The following DENND1A variants were observed in gnomAD, a reference collection of about 807,000 sequenced individuals.
DENND1A encodes DENN domain containing 1A.
DENND1A carries 51 observed loss-of-function variants against 113.7 expected under a neutral mutation model. The observed-to-expected ratio is 0.45, with a 90% confidence interval of 0.36 to 0.57. The LOEUF (loss-of-function observed/expected upper bound fraction) is 0.57, where lower values mean the gene tolerates loss of function less well. DENND1A is among the 20% of genes least tolerant of loss of function. The pLI is 0.00. For synonymous variants in DENND1A, 565 were observed against 570.8 expected, an observed-to-expected ratio of 0.99 and a Z score of 0.14; for missense variants, 1,258 against 1,395.9, an observed-to-expected ratio of 0.90 and a Z score of 1.57.
intron 5 of DENND1A, among the ~76,000 whole-genome samples, chr9:123,695,517 C>T (rs1250283156): frequency 6.6e-6 from 1 of 152,040 alleles, no homozygotes; most frequent in African/African-American, 2.4e-5. Flanking sequence ...GTGTGTCCCT[C>T]TAGAGAACTC....
chr9:123,698,014 C>T (rs2065634704), intron 5 of DENND1A, among the ~76,000 whole-genome samples: 2 of 152,178 alleles, frequency 1.3e-5, no homozygotes, highest in African/African-American at 4.8e-5. Context: ...ATAGGCAGAC[C>T]TGCAGATAAT....
At chr9:123,520,991 A>C (rs1456160775) in intron 13 of DENND1A, among the ~76,000 whole-genome samples, 3 of 152,202 alleles carry the variant, frequency 2.0e-5, no homozygotes, top group Non-Finnish European at 4.4e-5. Flanking sequence ...ACATTCAAAT[A>C]AAAAGGAAGA....
intron 2 of DENND1A, among the ~76,000 whole-genome samples, chr9:123,834,015 C>T (rs531773276): frequency 3.3e-5 from 5 of 152,236 alleles, no homozygotes; most frequent in South Asian, 2.1e-4. Flanking sequence ...GAGATCACGC[C>T]GCTGCACTCC....
chr9:123,414,664 T>C (rs2044579205), intron 19 of DENND1A: 1 of 1,525,238 alleles, frequency 6.6e-7, no homozygotes, highest in Non-Finnish European at 8.8e-7. Context: ...TATTAACTCT[T>C]TTTTAAAAAG....
intron 10 of DENND1A, among the ~76,000 whole-genome samples, chr9:123,618,693 G>C (rs723844): frequency 0.057 from 8,676 of 152,262 alleles, 276 homozygotes; most frequent in African/African-American, 0.071. Context: ...ATTCCCCTAT[G>C]TGGGAAGGTC....
chr9:123,678,326 T>C (rs937771478), intron 5 of DENND1A, among the ~76,000 whole-genome samples: 39 of 152,330 alleles, frequency 2.6e-4, no homozygotes, highest in Admixed American at 2.4e-3. Context: ...ACGCATCCTA[T>C]GGAATTGTTG....
chr9:123,744,768 CTCTTT>C (rs200281331), intron 5 of DENND1A, among the ~76,000 whole-genome samples: 9,282 of 137,690 alleles, frequency 0.067, 269 homozygotes, highest in Admixed American at 0.1. Flanking sequence ...CTTATATTAG[CTCTTT>C]TTTTTTTTTT....
chr9:123,679,170 T>C (rs543186723), intron 5 of DENND1A, among the ~76,000 whole-genome samples: 1 of 152,280 alleles, frequency 6.6e-6, no homozygotes, highest in South Asian at 2.1e-4. Context: ...AAAAACTGAA[T>C]CATTTTAGAA....
At chr9:123,649,530 T>A (rs1452842820) in intron 9 of DENND1A, among the ~76,000 whole-genome samples, 1 of 152,228 alleles carries the variant, frequency 6.6e-6, no homozygotes, top group Non-Finnish European at 1.5e-5. Flanking sequence ...AGATGTTTGA[T>A]AAAACACACT....
chr9:123,585,416 T>C (rs1663034291), intron 11 of DENND1A, among the ~76,000 whole-genome samples: 1 of 152,262 alleles, frequency 6.6e-6, no homozygotes, highest in Non-Finnish European at 1.5e-5. Context: ...TTGCAGTTTT[T>C]ACCAAAGTAA....
intron 21 of DENND1A, chr9:123,401,740 A>G (rs2043480355): frequency 1.2e-6 from 2 of 1,606,748 alleles, no homozygotes; most frequent in African/African-American, 2.7e-5. Flanking sequence ...TGGGATTATC[A>G]GACACCGGCT....
chr9:123,720,564 T>C (rs1448877451), intron 5 of DENND1A, among the ~76,000 whole-genome samples: 2 of 152,158 alleles, frequency 1.3e-5, no homozygotes, highest in East Asian at 1.9e-4. Context: ...ACAATCTCTT[T>C]ACTAGGCCCA....
At chr9:123,420,472 A>C (rs879857156) in intron 19 of DENND1A, among the ~76,000 whole-genome samples, 6 of 152,280 alleles carry the variant, frequency 3.9e-5, no homozygotes, top group Admixed American at 2.6e-4. Flanking sequence ...GAAAAGCCGC[A>C]GCACCTGCCG....
rs76405868 is a variant in DENND1A, at chr9:123,463,479, T to A, written c.994-5582A>T. ...CAGATTTTTCAGCAAGTTTCCTTGT[T>A]CTGAAGACCCATAGAGTATTACATT... On this transcript the variant is annotated intron_variant, in intron 13 of 23. Transcript: ENST00000394215. 5.4e-3 allele frequency among the ~76,000 whole-genome samples: 830 copies of A among 152,350 alleles called. 8 individuals carry two copies. In the East Asian group the frequency reaches 0.063, roughly 12 times the overall value.
intron 5 of DENND1A, among the ~76,000 whole-genome samples, chr9:123,680,515 A>G (rs1169373009): frequency 6.6e-6 from 1 of 152,232 alleles, no homozygotes; most frequent in African/African-American, 2.4e-5. Flanking sequence ...CTGTGTAAAC[A>G]CAAAGTAGTT....
chr9:123,529,279 A>G, intron 13 of DENND1A, among the ~76,000 whole-genome samples: 1 of 152,202 alleles, frequency 6.6e-6, no homozygotes, highest in South Asian at 2.1e-4. Flanking sequence ...AAATTATAAG[A>G]AATGTGATTT....
At chr9:123,396,209 C>T (rs192126023) in intron 21 of DENND1A, among the ~76,000 whole-genome samples, 8 of 152,300 alleles carry the variant, frequency 5.3e-5, no homozygotes, top group East Asian at 1.9e-4. Flanking sequence ...TCCCCAGCCA[C>T]GCTCCTGGAG....
chr9:123,894,300 T>A lies in DENND1A; in HGVS notation c.18-15279A>T, dbSNP rs1176622204. Among the ~76,000 whole-genome samples, 3 of 152,248 alleles carry A rather than the reference T, an allele frequency of 2.0e-5. No individual in the cohort carries two copies. In the East Asian group the frequency reaches 5.8e-4, roughly 29 times the overall value. ...AACTGTGATATACTCAAATGTGTGC[T>A]CTATAAATATTGCTAGGTTTCAACC... On this transcript the variant is annotated intron_variant, in intron 1 of 23. Transcript: ENST00000394215.
At position 123,549,760 on chromosome 9, in the gene DENND1A, G is replaced by A. The variant is rs202211604; in HGVS notation, c.993+7810C>T. On this transcript the variant is annotated intron_variant, in intron 13 of 23. Coordinates refer to ENST00000394215, the MANE Select transcript of DENND1A (RefSeq NM_001352964.2). ...ATATGAAATCTTGTTAAATGGGGGCGGGGAACTAACTTTTAACTGAGATTT... is the reference window on the plus strand; with the variant it reads ...ATATGAAATCTTGTTAAATGGGGGCAGGGAACTAACTTTTAACTGAGATTT... 1.8e-3 allele frequency among the ~76,000 whole-genome samples: 278 copies of A among 152,114 alleles called. 1 individual carries two copies. Among genetic ancestry groups the A allele is most frequent in the Middle Eastern group, 0.017 (5 of 294 alleles).
Sources: allele counts gnomAD v4.1 joint callset (sites outside exome capture counted in the v4.1 genomes callset), GRCh38; gene constraint gnomAD v4.1.1; transcripts MANE v1.5; gene names NCBI Gene and HGNC (gene_info 2026-07-23, HGNC 2026-07-21).